ASIC2: variants seen among roughly 807,000 people sequenced by gnomAD.
ASIC2 encodes the protein acid-sensing ion channel 2.
Under a neutral mutation model 57.3 loss-of-function variants are expected in ASIC2, and 25 were observed. That is an observed-to-expected ratio of 0.44 (90% confidence interval 0.32 to 0.61). The LOEUF (loss-of-function observed/expected upper bound fraction) is 0.61. ASIC2 is among the 20% of genes least tolerant of loss of function. ASIC2 has a pLI of 0.06. For synonymous variants in ASIC2, 319 were observed against 307.5 expected (o/e 1.04, Z -0.39); for missense variants, 641 against 738.1 (o/e 0.87, Z 1.52).
At chr17:33,359,985 G>A (rs1006051796) in intron 1 of ASIC2, among the ~76,000 whole-genome samples, 2 of 152,070 alleles carry the variant, frequency 1.3e-5, no homozygotes, top group Non-Finnish European at 2.9e-5. Context: ...CCAGTTATTT[G>A]GGGTTTTCTG....
chr17:33,524,248 T>C (rs765295104), intron 1 of ASIC2, among the ~76,000 whole-genome samples: 4 of 152,210 alleles, frequency 2.6e-5, no homozygotes, highest in Non-Finnish European at 5.9e-5. Flanking sequence ...GGGTTCCTTA[T>C]ATAGAGACAC....
intron 1 of ASIC2, among the ~76,000 whole-genome samples, chr17:33,653,103 C>T (rs1251805986): frequency 6.6e-6 from 1 of 152,204 alleles, no homozygotes; most frequent in Non-Finnish European, 1.5e-5. Context: ...TGCTGGACTA[C>T]AAAAGGCTTT....
intron 1 of ASIC2, among the ~76,000 whole-genome samples, chr17:33,812,901 T>TCC (rs1320825808): frequency 1.3e-5 from 2 of 152,124 alleles, no homozygotes; most frequent in African/African-American, 2.4e-5. Context: ...TGGTGGGACT[T>TCC]CCCAGCACTT....
chr17:33,028,254 C>A lies in ASIC2; in HGVS notation c.1126G>T (p.Val376Phe), dbSNP rs768967808. The A allele has an allele frequency of 4.3e-6, 7 of 1,613,942 alleles. No homozygotes were observed. The Admixed American group carries it at 1.0e-4, about 23-fold the overall frequency. ...YIVENCNCRM[V>F]HMPGDAPFCT... ...CCCTGGCACTGACCTGGCATGTGAA[C>A]CATGCGGCAGTTGCAGTTTTCCACA... Residue 376 changes from valine (V) to phenylalanine (F), a missense_variant, in exon 4 of 10, where the codon GTT (valine) becomes TTT (phenylalanine). By Grantham distance (50) the Val-to-Phe change is conservative. Transcript: ENST00000225823.
At chr17:33,547,164 G>C (rs906690798) in intron 1 of ASIC2, among the ~76,000 whole-genome samples, 1 of 152,106 alleles carries the variant, frequency 6.6e-6, no homozygotes, top group Non-Finnish European at 1.5e-5. Context: ...TGTTGATATA[G>C]GAACTACAGT....
At chr17:33,423,286 C>T (rs762390506) in intron 1 of ASIC2, among the ~76,000 whole-genome samples, 7 of 152,074 alleles carry the variant, frequency 4.6e-5, no homozygotes, top group East Asian at 1.9e-4. Flanking sequence ...TGAGAACTAC[C>T]GGTATGGTGA....
At chr17:33,146,152 G>C (rs866429337) in intron 1 of ASIC2, among the ~76,000 whole-genome samples, 42 of 152,264 alleles carry the variant, frequency 2.8e-4, no homozygotes, top group Middle Eastern at 6.8e-3. Context: ...TCAACTTCCC[G>C]CCTCCTCAGA....
intron 1 of ASIC2, among the ~76,000 whole-genome samples, chr17:33,970,537 C>G (rs776648107): frequency 3.9e-5 from 6 of 152,164 alleles, no homozygotes; most frequent in Non-Finnish European, 7.3e-5. Flanking sequence ...CTATGGGAAC[C>G]GCAAAAGACA....
chr17:33,611,198 G>A (rs914487157), intron 1 of ASIC2, among the ~76,000 whole-genome samples: 1 of 152,096 alleles, frequency 6.6e-6, no homozygotes, highest in Non-Finnish European at 1.5e-5. Flanking sequence ...CTCCTGTCCA[G>A]ATTTAAACAC....
intron 1 of ASIC2, among the ~76,000 whole-genome samples, chr17:33,686,236 G>T (rs8078646): frequency 6.6e-6 from 1 of 151,836 alleles, no homozygotes; most frequent in African/African-American, 2.4e-5. Context: ...GTAGCAGAAA[G>T]ATGGCCAAAG....
At chr17:33,519,013 G>T (rs908908776) in intron 1 of ASIC2, among the ~76,000 whole-genome samples, 2 of 144,436 alleles carry the variant, frequency 1.4e-5, no homozygotes, top group Non-Finnish European at 3.0e-5. Flanking sequence ...GTAGAGACGG[G>T]GTTTCACCAT....
chr17:33,257,977 T>C (rs1909139808), intron 1 of ASIC2, among the ~76,000 whole-genome samples: 1 of 152,198 alleles, frequency 6.6e-6, no homozygotes, highest in Non-Finnish European at 1.5e-5. Flanking sequence ...TTAACTACAT[T>C]AGTGTGTGCA....
At chr17:33,269,729 T>G (rs1904401274) in intron 1 of ASIC2, among the ~76,000 whole-genome samples, 1 of 73,052 alleles carries the variant, frequency 1.4e-5, no homozygotes. Flanking sequence ...CCTTCCTCCC[T>G]CCCTCCTTCC....
intron 1 of ASIC2, among the ~76,000 whole-genome samples, chr17:33,505,098 T>G (rs141972139): frequency 2.3e-3 from 353 of 152,230 alleles, no homozygotes; most frequent in Non-Finnish European, 3.8e-3. Flanking sequence ...ACATTTATTA[T>G]GGGTTGGTCA....
intron 1 of ASIC2, among the ~76,000 whole-genome samples, chr17:34,099,652 G>A (rs1910752209): frequency 7.4e-6 from 1 of 135,880 alleles, no homozygotes; most frequent in East Asian, 2.1e-4. Flanking sequence ...GAAAAGAGAG[G>A]AAGGAAGGAA....
rs184804529 is a variant in ASIC2 at position 33,425,338 on chromosome 17, G to C, written c.556-313271C>G. The stretch of plus-strand genomic sequence containing the variant: ...GAAAAATGGAAAACAACTCAGCTCT[G>C]TCAGATGCCAAAGCCAGTGATCTTT... On this transcript the variant is annotated intron_variant, in intron 1 of 9. Transcript: ENST00000359872. Among the ~76,000 whole-genome samples the C allele has an allele frequency of 1.2e-4, 18 of 152,366 alleles. No individual in the cohort carries two copies. The East Asian group carries it at 3.3e-3, about 28-fold the overall frequency.
Position 33,377,060 on chromosome 17 carries a change from G to C in ASIC2, c.556-264993C>G, listed in dbSNP as rs181402244. On this transcript the variant is annotated intron_variant, in intron 1 of 9. Coordinates refer to the ASIC2 transcript ENST00000359872. The stretch of plus-strand genomic sequence containing the variant: ...TAGGATAGAAAGTTTTTTTTGGAGG[G>C]GGGGAGCGGAGATGGAGTCATGCTC... Among the ~76,000 whole-genome samples the C allele has an allele frequency of 3.3e-4, 50 of 152,050 alleles. 1 individual carries two copies. Among genetic ancestry groups the C allele is most frequent in the African/African-American group, 4.8e-4 (20 of 41,502 alleles).
intron 1 of ASIC2, among the ~76,000 whole-genome samples, chr17:33,959,436 C>T (rs769207869): frequency 1.3e-5 from 2 of 152,156 alleles, no homozygotes; most frequent in Non-Finnish European, 2.9e-5. Context: ...AAGGTGAAGT[C>T]CCACAATAGG....
chr17:33,273,773 C>T (rs1904598263), intron 1 of ASIC2, among the ~76,000 whole-genome samples: 1 of 152,030 alleles, frequency 6.6e-6, no homozygotes. Context: ...CAGTGAACTG[C>T]CTCTCAAGAT....
Sources: allele counts gnomAD v4.1 joint callset (sites outside exome capture counted in the v4.1 genomes callset), GRCh38; gene constraint gnomAD v4.1.1; transcripts MANE v1.5; gene names NCBI Gene and HGNC (gene_info 2026-07-23, HGNC 2026-07-21).